VIT: variants seen among roughly 807,000 people sequenced by gnomAD.
The protein encoded by VIT is vitrin.
VIT carries 99 observed loss-of-function variants against 78.0 expected under a neutral mutation model. The ratio of observed to expected loss-of-function variants is 1.27; its 90% CI spans 1.08 to 1.50. The LOEUF is 1.50. VIT is among the 40% of genes most tolerant of loss of function. VIT has a pLI of 0.00. For missense variants in VIT, 1,126 were observed against 875.3 expected (o/e 1.29, Z -3.61); for synonymous variants, 374 against 334.3 (o/e 1.12, Z -1.29).
At chr2:36,791,975 C>A (rs1308573132) in intron 12 of VIT, among the ~76,000 whole-genome samples, 1 of 152,102 alleles carries the variant, frequency 6.6e-6, no homozygotes, top group African/African-American at 2.4e-5. Flanking sequence ...GCATGAAATG[C>A]AGCTGGGATG....
chr2:36,809,117 C>T (rs772994028), intron 15 of VIT, 132 bp downstream of exon 15: 3 of 1,267,280 alleles, frequency 2.4e-6, no homozygotes, highest in Non-Finnish European at 3.2e-6. Flanking sequence ...TTCAAAGCCG[C>T]AGGGAGGGCA....
intron 2 of VIT, among the ~76,000 whole-genome samples, chr2:36,727,542 G>A (rs1319072857): frequency 1.3e-5 from 2 of 152,194 alleles, no homozygotes; most frequent in Non-Finnish European, 2.9e-5. Flanking sequence ...GATTTGTCAG[G>A]TTGGTGTGGT....
intron 3 of VIT, among the ~76,000 whole-genome samples, chr2:36,734,275 C>T (rs563682546): frequency 1.3e-5 from 2 of 152,332 alleles, no homozygotes; most frequent in South Asian, 4.1e-4. Flanking sequence ...CCTCTAACCT[C>T]TCTTTTAGAA....
chr2:36,723,185 A>T (rs1412243069), intron 2 of VIT, among the ~76,000 whole-genome samples: 1 of 152,102 alleles, frequency 6.6e-6, no homozygotes, highest in Non-Finnish European at 1.5e-5. Context: ...TCTACTACAC[A>T]CCATTTGTAA....
chr2:36,806,268 C>T (rs1041980644), intron 14 of VIT, among the ~76,000 whole-genome samples: 1 of 152,168 alleles, frequency 6.6e-6, no homozygotes, highest in Non-Finnish European at 1.5e-5. Context: ...AAATAGAAAG[C>T]AAGCCTTGGA....
chr2:36,708,119 C>T (rs555344969), intron 1 of VIT, among the ~76,000 whole-genome samples: 49 of 149,548 alleles, frequency 3.3e-4, no homozygotes, highest in Middle Eastern at 3.5e-3. Flanking sequence ...CTCCCCCCCC[C>T]GCCCACCTAG....
intron 3 of VIT, 127 bp downstream of exon 3, chr2:36,729,618 A>G (rs1305254104): frequency 1.1e-6 from 1 of 904,352 alleles, no homozygotes; most frequent in Non-Finnish European, 1.7e-6. Context: ...ATTTCCACTC[A>G]GATTAATTAG....
At chr2:36,800,548 C>T (rs1309277085) in intron 12 of VIT, among the ~76,000 whole-genome samples, 3 of 152,158 alleles carry the variant, frequency 2.0e-5, no homozygotes, top group Admixed American at 6.5e-5. Flanking sequence ...ACGAAGTCAG[C>T]GCTGCCTGTG....
intron 3 of VIT, among the ~76,000 whole-genome samples, chr2:36,740,055 G>A (rs558978919): frequency 6.6e-6 from 1 of 152,188 alleles, no homozygotes; most frequent in African/African-American, 2.4e-5. Flanking sequence ...GCTCCCTTTA[G>A]ACCTACAACT....
At position 36,752,476 on chromosome 2, in the gene VIT, T is replaced by G. The variant is rs142615680; in HGVS notation, c.276-2445T>G. On this transcript the variant is annotated intron_variant, in intron 4 of 15. Coordinates refer to ENST00000379242, the MANE Select transcript of VIT (RefSeq NM_053276.4). ...AACATCAAGGCCATGCTCAGCACCA[T>G]GCAGGGCACCTGAGGAATGCAAGGA... 2.3e-3 allele frequency among the ~76,000 whole-genome samples: 345 copies of G among 152,340 alleles called. 1 individual carries two copies. Among genetic ancestry groups the G allele is most frequent in the African/African-American group, 7.6e-3 (316 of 41,584 alleles).
chr2:36,731,163 C>G (rs920901281), intron 3 of VIT, among the ~76,000 whole-genome samples: 1 of 152,096 alleles, frequency 6.6e-6, no homozygotes, highest in Admixed American at 6.5e-5. Context: ...CTGCCTCCTA[C>G]CGCTCTCAAT....
At chr2:36,722,749 T>A (rs1234513505) in intron 2 of VIT, among the ~76,000 whole-genome samples, 1 of 152,180 alleles carries the variant, frequency 6.6e-6, no homozygotes, top group Non-Finnish European at 1.5e-5. Context: ...ATTGATTAGA[T>A]GTTCTGGTAT....
At chr2:36,743,072 T>G (rs1162163580) in intron 3 of VIT, 28 bp from the exon 4 acceptor site, 12 of 1,613,004 alleles carry the variant, frequency 7.4e-6, no homozygotes, top group African/African-American at 1.3e-5. Context: ...GCACAAGGTG[T>G]AATTTTGACC....
intron 6 of VIT, among the ~76,000 whole-genome samples, chr2:36,763,453 GT>G (rs1012018171): frequency 6.6e-6 from 1 of 151,822 alleles, no homozygotes; most frequent in African/African-American, 2.4e-5. Flanking sequence ...TATTTTACTA[GT>G]TTTTTTTCAA....
chr2:36,752,463 A>G (rs73924177), intron 4 of VIT, among the ~76,000 whole-genome samples: 1 of 152,240 alleles, frequency 6.6e-6, no homozygotes, highest in Non-Finnish European at 1.5e-5. Context: ...CATCAAGGCC[A>G]TGCTCAGCAC....
chr2:36,766,496 ACTG>A (rs1669438556), intron 6 of VIT, among the ~76,000 whole-genome samples: 1 of 152,178 alleles, frequency 6.6e-6, no homozygotes, highest in Admixed American at 6.5e-5. Flanking sequence ...GTGCCACTGC[ACTG>A]CAGCCTGGGT....
chr2:36,801,151 C>A, intron 12 of VIT, 150 bp from the exon 13 acceptor site: 1 of 725,592 alleles, frequency 1.4e-6, no homozygotes, highest in Non-Finnish European at 2.4e-6. Flanking sequence ...TCTCTACACA[C>A]ACCAGTCCAC....
chr2:36,756,509 C>A (rs1183168498), intron 5 of VIT, among the ~76,000 whole-genome samples: 1 of 152,144 alleles, frequency 6.6e-6, no homozygotes, highest in Non-Finnish European at 1.5e-5. Flanking sequence ...CTAGGCACCC[C>A]ATGCCTCAAG....
chr2:36,790,033 T>C (rs1665379429), intron 12 of VIT, among the ~76,000 whole-genome samples: 1 of 152,198 alleles, frequency 6.6e-6, no homozygotes, highest in African/African-American at 2.4e-5. Context: ...TTTAGACTTA[T>C]AAATTTAGAA....
Sources: gnomAD v4.1 joint callset for allele counts (sites outside exome capture counted in the v4.1 genomes callset) on GRCh38, gnomAD v4.1.1 for gene constraint, MANE v1.5 for transcripts, NCBI Gene and HGNC (gene_info 2026-07-23, HGNC 2026-07-21) for gene names.